Variants in SUCO observed in about 807,000 individuals in gnomAD.
The protein encoded by SUCO is SUN domain-containing ossification factor.
A neutral mutation model predicts 148.1 loss-of-function variants in SUCO; 57 were observed. The observed-to-expected ratio is 0.38, with a 90% CI of 0.31 to 0.48. SUCO has a LOEUF of 0.48. SUCO is among the 20% of genes least tolerant of loss of function. The pLI is 0.96. For missense variants in SUCO, 1,331 were observed against 1,468.2 expected, an observed-to-expected ratio of 0.91 and a Z score of 1.53; for synonymous variants, 470 against 502.7, an observed-to-expected ratio of 0.93 and a Z score of 0.87.
intron 1 of SUCO, among the ~76,000 whole-genome samples, chr1:172,550,659 A>G (rs1266361193): frequency 6.6e-6 from 1 of 151,858 alleles, no homozygotes; most frequent in Non-Finnish European, 1.5e-5. Context: ...TTTCAGATCT[A>G]TATAGGTGTC....
At position 172,602,049 on chromosome 1, in the gene SUCO, C is replaced by T. The variant is rs200798448; in HGVS notation, c.3019-15C>T. The T allele has an allele frequency of 1.2e-5, 19 of 1,593,070 alleles. No homozygotes were observed. The East Asian group carries it at 3.4e-4, about 28-fold the overall frequency. On this transcript the variant is annotated splice_polypyrimidine_tract_variant and intron_variant, in intron 20 of 23. Coordinates refer to ENST00000263688, the MANE Select transcript of SUCO (RefSeq NM_014283.5). ...GATTTCCTATGATTATTATTTAACC[C>T]TCTTCTCATCTCAGGTTTCAGATCG... is the stretch of plus-strand genomic sequence containing the variant.
At chr1:172,553,915 T>C (rs1241767096) in intron 3 of SUCO, among the ~76,000 whole-genome samples, 3 of 152,188 alleles carry the variant, frequency 2.0e-5, no homozygotes, top group African/African-American at 7.2e-5. Context: ...AATGCTGAGG[T>C]ATCTGGAAAC....
At chr1:172,534,554 C>G (rs993409488) in intron 1 of SUCO, among the ~76,000 whole-genome samples, 8 of 152,166 alleles carry the variant, frequency 5.3e-5, no homozygotes, top group African/African-American at 1.9e-4. Context: ...AGAGAAAACA[C>G]TCGCCTGGCT....
chr1:172,533,296 G>A lies in SUCO; in HGVS notation c.-140G>A. On this transcript the variant is annotated 5_prime_UTR_variant, in exon 1 of 24. Transcript: ENST00000263688. ...CTGCCAGGACGCGAGCCACTGAGGA[G>A]CCGCTCAGCCAGCGCCATAGCCCTT... 1 of 1,550,328 alleles carries A rather than the reference G, an allele frequency of 6.5e-7. No individual in the cohort carries two copies. Among genetic ancestry groups the A allele is most frequent in the Non-Finnish European group, 8.7e-7 (1 of 1,146,970 alleles).
intron 19 of SUCO, among the ~76,000 whole-genome samples, chr1:172,595,985 C>T (rs1224744360): frequency 6.6e-6 from 1 of 152,116 alleles, no homozygotes; most frequent in African/African-American, 2.4e-5. Context: ...TGTTTTTACT[C>T]TTTTTTTCTC....
At chr1:172,597,057 G>A (rs1367583896) in intron 19 of SUCO, among the ~76,000 whole-genome samples, 3 of 152,122 alleles carry the variant, frequency 2.0e-5, no homozygotes, top group African/African-American at 4.8e-5. Context: ...AGCAGTGAGC[G>A]AGGCTCCGTG....
intron 19 of SUCO, among the ~76,000 whole-genome samples, chr1:172,595,290 A>G (rs945978980): frequency 5.0e-4 from 76 of 152,208 alleles, no homozygotes; most frequent in African/African-American, 1.7e-3. Context: ...TTTAAGGTTA[A>G]TATTGTTATA....
Position 172,589,227 on chromosome 1 carries a change from A to G in SUCO, c.2126A>G (p.Asp709Gly). The change falls in exon 18 of 24, where the codon GAT becomes GGT. Residue 709 changes from aspartate (D) to glycine (G), a missense_variant. Asp to Gly is a moderately conservative substitution (Grantham distance 94). This residue lies in a region of SUCO where 992 missense variants were observed against 1,093.5 expected (regional missense o/e 0.91). Coordinates refer to ENST00000263688, the MANE Select transcript of SUCO (RefSeq NM_014283.5). ...GATTTAAGTAGTAGTATGCACCAGGATGACTTGGTGAATCACACTGTAGAT... is the reference window on the plus strand; with the variant it reads ...GATTTAAGTAGTAGTATGCACCAGGGTGACTTGGTGAATCACACTGTAGAT... ...LGDLSSSMHQ[D>G]DLVNHTVDAV... is the part of the protein sequence containing the mutation. 5 of 1,613,920 alleles carry G rather than the reference A, an allele frequency of 3.1e-6. No individual in the cohort carries two copies. The highest frequency in any genetic ancestry group is 2.2e-5 in the South Asian group (2 of 91,072).
intron 22 of SUCO, among the ~76,000 whole-genome samples, chr1:172,606,889 A>T (rs1657899690): frequency 6.6e-6 from 1 of 151,452 alleles, no homozygotes; most frequent in Non-Finnish European, 1.5e-5. Context: ...CACCTTTTTG[A>T]CTTTTTATGC....
At chr1:172,544,354 A>T (rs1229981771) in intron 1 of SUCO, among the ~76,000 whole-genome samples, 1 of 152,242 alleles carries the variant, frequency 6.6e-6, no homozygotes, top group Non-Finnish European at 1.5e-5. Flanking sequence ...GCAACAGGGC[A>T]GTGTATTCTC....
At chr1:172,590,549 A>G (rs979250293) in intron 18 of SUCO, among the ~76,000 whole-genome samples, 1 of 152,110 alleles carries the variant, frequency 6.6e-6, no homozygotes, top group African/African-American at 2.4e-5. Context: ...TTCTCTACCA[A>G]CGTTTTGCAA....
Position 172,578,316 on chromosome 1 carries a change from G to T in SUCO, c.1359G>T (p.Met453Ile), listed in dbSNP as rs1212791600. ...LSLIRVFGTS[M>I]VEEYEEIADS... ...TTGATAGGGTATTTGGCACTAGCAT[G>T]GTGGAAGAATATGAAGAAATTGCTG... The change falls in exon 14 of 24, where the codon ATG becomes ATT. Residue 453 changes from methionine (M) to isoleucine (I), a missense_variant. Physicochemically the swap from Met to Ile is conservative, Grantham distance 10. Transcript: ENST00000263688. 1.2e-6 allele frequency: 2 copies of T among 1,611,716 alleles called. No individual in the cohort carries two copies. The highest frequency in any genetic ancestry group is 3.3e-5 in the Admixed American group (2 of 59,972).
Position 172,610,265 on chromosome 1 carries a change from A to G in SUCO, c.*6A>G. 1 of 1,566,956 alleles carries G rather than the reference A, an allele frequency of 6.4e-7. No homozygotes were observed. Among genetic ancestry groups the G allele is most frequent in the Non-Finnish European group, 8.6e-7 (1 of 1,161,658 alleles). ...CAGTCTCGGGACATATCTAAAATTA[A>G]TTGAACTTTTCATACAGAAGACTTT... is the stretch of plus-strand genomic sequence containing the variant. On this transcript the variant is annotated 3_prime_UTR_variant, in exon 24 of 24. Transcript: ENST00000263688.
In SUCO at chr1:172,542,081, T is replaced by A. The variant is rs150388509; in HGVS notation, c.62+8584T>A. 5.2e-3 allele frequency among the ~76,000 whole-genome samples: 785 copies of A among 152,138 alleles called. 5 individuals carry two copies. The highest frequency in any genetic ancestry group is 0.018 in the African/African-American group (745 of 41,502). The stretch of plus-strand genomic sequence containing the variant: ...TTAAAAATGCAGACTTGAATGCAGA[T>A]AAAATTTGGCCTGGAGTGCCAGGCA... On this transcript the variant is annotated intron_variant, in intron 1 of 23. Transcript: ENST00000263688.
chr1:172,532,989 G>T (rs988676761), upstream of SUCO: 174 of 1,396,154 alleles, frequency 1.2e-4, 2 homozygotes, highest in Non-Finnish European at 1.5e-4. Context: ...AGAGGCTGGT[G>T]GGGGTGCGGG....
upstream of SUCO, chr1:172,532,879 C>T (rs545952539): frequency 7.2e-5 from 107 of 1,495,428 alleles, no homozygotes; most frequent in African/African-American, 1.4e-3. Flanking sequence ...GTGGGCGGGA[C>T]CTGGGGCGGG....
chr1:172,597,783 C>T (rs956828401), intron 19 of SUCO, among the ~76,000 whole-genome samples: 6 of 151,886 alleles, frequency 4.0e-5, no homozygotes, highest in African/African-American at 7.3e-5. Flanking sequence ...ATTTGGGTCT[C>T]GGGGATGGTG....
chr1:172,533,742 A>G lies in SUCO; in HGVS notation c.62+245A>G, dbSNP rs984275939. ...GGGAGAGAGAGAGGTGCCAAGGTAG[A>G]GGGAACCACCAAGTGCCTTTGTACT... is the stretch of plus-strand genomic sequence containing the variant. On this transcript the variant is annotated intron_variant, in intron 1 of 23. Transcript: ENST00000263688. Among the ~76,000 whole-genome samples the G allele has an allele frequency of 2.0e-5, 3 of 152,300 alleles. No homozygotes were observed. The East Asian group carries it at 5.8e-4, about 29-fold the overall frequency.
chr1:172,569,322 A>G, intron 7 of SUCO, 180 bp downstream of exon 7: 2 of 859,862 alleles, frequency 2.3e-6, no homozygotes, highest in Non-Finnish European at 2.8e-6. Context: ...ATAATTACAT[A>G]CAGTTTTAGT....
Sources: gnomAD v4.1 joint callset for allele counts (sites outside exome capture counted in the v4.1 genomes callset) on GRCh38, gnomAD v4.1.1 for gene constraint, gnomAD v4.1.1 regional missense constraint, MANE v1.5 for transcripts, NCBI Gene and HGNC (gene_info 2026-07-23, HGNC 2026-07-21) for gene names.